Variants in SGSM1 observed in about 807,000 individuals in gnomAD.
SGSM1 encodes the protein RUN and TBC1 domain containing 2.
In SGSM1, 73 loss-of-function variants were observed where a neutral mutation model predicts 133.8. That is an observed-to-expected ratio of 0.55 (90% CI 0.45 to 0.66). The LOEUF is 0.66. Ranked by LOEUF, SGSM1 falls within the 30% of genes least tolerant of loss-of-function variation. SGSM1 has a pLI of 0.00. For missense variants in SGSM1, 1,213 were observed against 1,448.1 expected (o/e 0.84, Z 2.64); for synonymous variants, 563 against 573.0 (o/e 0.98, Z 0.25).
intron 20 of SGSM1, among the ~76,000 whole-genome samples, chr22:24,902,365 A>G (rs1176343184): frequency 1.3e-5 from 2 of 152,152 alleles, no homozygotes; most frequent in Admixed American, 1.3e-4. Flanking sequence ...ACGACTGGTT[A>G]TTACTGTTCA....
rs200470528 is a variant in SGSM1, at chr22:24,845,941, TTTTCTTTCTTTCTTTCTTTCTTTCTTTC to T, written c.139+1012_139+1039del. On this transcript the variant is annotated intron_variant, in intron 3 of 24. Transcript: ENST00000400358. ...TGGGCAAGATCTTTCTTTTCTTTTC[TTTTCTTTCTTTCTTTCTTTCTTTCTTTC>T]TTTCTTTCTTTCTTTCTTTCTTTCT... Among the ~76,000 whole-genome samples, 765 of 115,702 alleles carry T rather than the reference TTTTCTTTCTTTCTTTCTTTCTTTCTTTC, an allele frequency of 6.6e-3. 8 individuals carry two copies. The highest frequency in any genetic ancestry group is 0.036 in the Middle Eastern group (9 of 252). 75.9% of individuals were successfully genotyped at this position (115,702 alleles called of 152,430 possible).
At chr22:24,812,346 A>G (rs1048318204) in intron 2 of SGSM1, among the ~76,000 whole-genome samples, 1 of 152,114 alleles carries the variant, frequency 6.6e-6, no homozygotes, top group Non-Finnish European at 1.5e-5. Context: ...TCCATGATAG[A>G]TGAGGAACTG....
At chr22:24,911,553 G>T (rs78652240) in intron 21 of SGSM1, among the ~76,000 whole-genome samples, 1 of 152,002 alleles carries the variant, frequency 6.6e-6, no homozygotes. Context: ...TGACAAACAC[G>T]ACCTCAGCCA....
At chr22:24,874,333 A>C (rs1357577690) in intron 12 of SGSM1, 3 of 1,447,682 alleles carry the variant, frequency 2.1e-6, no homozygotes, top group East Asian at 2.4e-5. Context: ...GAGCCCCCAG[A>C]AACTGGCTCT....
intron 9 of SGSM1, among the ~76,000 whole-genome samples, chr22:24,863,730 T>G (rs1601934976): frequency 6.7e-6 from 1 of 150,346 alleles, no homozygotes; most frequent in East Asian, 2.0e-4. Context: ...CAGGAGCTCT[T>G]TTTTTCTTCT....
intron 12 of SGSM1, among the ~76,000 whole-genome samples, chr22:24,876,089 A>G (rs1932011106): frequency 1.3e-5 from 2 of 152,208 alleles, no homozygotes; most frequent in Non-Finnish European, 2.9e-5. Context: ...CCTCAGGACC[A>G]TGGACAGCGC....
chr22:24,850,503 C>T lies in SGSM1; in HGVS notation c.455+71C>T. 4 of 1,572,930 alleles carry T rather than the reference C, an allele frequency of 2.5e-6. No homozygotes were observed. The African/African-American group carries it at 4.1e-5, about 16-fold the overall frequency. ...GCCGGCCGTTGTGGAAATTGCACCC[C>T]CTGGCACAAAGCTGCTTTCTTTTTC... On this transcript the variant is annotated intron_variant, in intron 5 of 24. Coordinates refer to ENST00000400358, the MANE Select transcript of SGSM1 (RefSeq NM_001098497.3).
At position 24,886,875 on chromosome 22, in the gene SGSM1, G is replaced by A. The variant is rs927075561; in HGVS notation, c.1770+147G>A. ...AACCTGAAGGCGGCGCTGTCCAATA[G>A]AAACATAACACAAGCCACATAGGCA... On this transcript the variant is annotated intron_variant, in intron 16 of 24. Transcript: ENST00000400358. 8 of 1,102,172 alleles carry A rather than the reference G, an allele frequency of 7.3e-6. No homozygotes were observed. In the African/African-American group the frequency reaches 1.3e-4, roughly 18 times the overall value. The allele number at this position is 1,102,172 out of a possible 1,614,324, so 68.3% of individuals were successfully genotyped here. A position where few individuals can be genotyped will look rare whatever the true frequency, so the allele number is the denominator to read the frequency against.
intron 9 of SGSM1, among the ~76,000 whole-genome samples, chr22:24,863,751 T>G (rs1931291467): frequency 6.6e-6 from 1 of 151,126 alleles, no homozygotes; most frequent in Admixed American, 6.6e-5. Flanking sequence ...TTTCTTTTTT[T>G]TTTTTTTGAG....
chr22:24,810,672 G>A (rs1927681537), intron 2 of SGSM1, among the ~76,000 whole-genome samples: 1 of 152,176 alleles, frequency 6.6e-6, no homozygotes. Flanking sequence ...CTGGTGGGAG[G>A]CAGATGAGAC....
chr22:24,898,558 CTG>C lies in SGSM1; in HGVS notation c.2610+1_2610+2del. The stretch of plus-strand genomic sequence containing the variant: ...GTGTCTTCCAGCGGCGTCACCTACT[CTG>C]TAAGTCACCAGGACCCTCCGTTCCA... On this transcript the variant is annotated splice_donor_variant and coding_sequence_variant, in exon 19 of 25. Transcript: ENST00000400358. LOFTEE classifies it high-confidence loss of function. The C allele has an allele frequency of 3.1e-6, 5 of 1,596,932 alleles. No individual in the cohort carries two copies. Among genetic ancestry groups the C allele is most frequent in the Non-Finnish European group, 4.3e-6 (5 of 1,170,958 alleles).
intron 17 of SGSM1, among the ~76,000 whole-genome samples, chr22:24,894,862 T>A (rs75758318): frequency 0.018 from 2,697 of 152,040 alleles, 70 homozygotes; most frequent in African/African-American, 0.061. Flanking sequence ...CAGAAGCATG[T>A]ATACAGGGAT....
chr22:24,868,612 G>T, intron 11 of SGSM1, 73 bp downstream of exon 11: 2 of 1,611,048 alleles, frequency 1.2e-6, no homozygotes, highest in South Asian at 2.2e-5. Context: ...TTGCCTGTGT[G>T]CCCTTATGTG....
At position 24,886,675 on chromosome 22, in the gene SGSM1, C is replaced by A; in HGVS notation, c.1717C>A (p.Pro573Thr). ...IQPEIRKAVW[P>T]FLLGHYQFGM... ...GCCTGAGATCCGCAAGGCCGTGTGG[C>A]CCTTCCTCCTGGGCCACTACCAGTT... The change falls in exon 16 of 25, where the codon CCC becomes ACC. Residue 573 changes from proline (P) to threonine (T), a missense_variant. Transcript: ENST00000400358. The A allele has an allele frequency of 6.4e-7, 1 of 1,571,970 alleles. No individual in the cohort carries two copies. Among genetic ancestry groups the A allele is most frequent in the Non-Finnish European group, 8.6e-7 (1 of 1,159,030 alleles).
At chr22:24,890,118 G>A (rs758948809) in intron 16 of SGSM1, among the ~76,000 whole-genome samples, 5 of 151,992 alleles carry the variant, frequency 3.3e-5, no homozygotes, top group Non-Finnish European at 7.4e-5. Flanking sequence ...CACCACGCCT[G>A]GCTAATTTTT....
At chr22:24,875,620 A>G (rs1276501206) in intron 12 of SGSM1, among the ~76,000 whole-genome samples, 1 of 151,586 alleles carries the variant, frequency 6.6e-6, no homozygotes, top group Non-Finnish European at 1.5e-5. Context: ...AGCCTGGGCA[A>G]TAAAGCGAGA....
intron 9 of SGSM1, among the ~76,000 whole-genome samples, chr22:24,865,744 C>A (rs1931411305): frequency 6.6e-6 from 1 of 152,006 alleles, no homozygotes; most frequent in Non-Finnish European, 1.5e-5. Flanking sequence ...ACAGGGAGAG[C>A]CTTCAGACTG....
chr22:24,869,110 G>GC (rs1375275261), intron 12 of SGSM1, among the ~76,000 whole-genome samples: 3 of 152,162 alleles, frequency 2.0e-5, no homozygotes, highest in Admixed American at 2.0e-4. Context: ...CTGGAATCCT[G>GC]GCTGAACTTG....
intron 16 of SGSM1, among the ~76,000 whole-genome samples, chr22:24,888,519 G>A (rs1932738010): frequency 6.6e-6 from 1 of 152,096 alleles, no homozygotes; most frequent in Admixed American, 6.6e-5. Flanking sequence ...TATAATCCCA[G>A]CACTTTGGGA....
Sources: allele counts gnomAD v4.1 joint callset (sites outside exome capture counted in the v4.1 genomes callset), GRCh38; gene constraint gnomAD v4.1.1; transcripts MANE v1.5; gene names NCBI Gene and HGNC (gene_info 2026-07-23, HGNC 2026-07-21).